BCORL1: variants seen among roughly 807,000 people sequenced by gnomAD.
BCORL1 encodes the protein BCL-6 corepressor-like protein 1.
Under a neutral mutation model 87.6 loss-of-function variants are expected in BCORL1, and 7 were observed. That is an observed-to-expected ratio of 0.08 (90% CI 0.05 to 0.15). BCORL1 has a LOEUF of 0.15. BCORL1 is among the 10% of genes least tolerant of loss of function. The probability of loss-of-function intolerance (pLI) is 1.00; values close to 1 mark genes in which losing one functional copy is unlikely to be tolerated. For missense variants in BCORL1, 1,215 were observed against 1,499.7 expected, an observed-to-expected ratio of 0.81 and a Z score of 3.13; for synonymous variants, 591 against 634.4, an observed-to-expected ratio of 0.93 and a Z score of 1.03.
intron 8 of BCORL1, among the ~76,000 whole-genome samples, chrX:130,030,391 G>A (rs755754449): frequency 7.2e-5 from 8 of 111,619 alleles, no homozygotes; most frequent in South Asian, 7.6e-4. Context: ...CTTAATTCCC[G>A]CAGTGGCACT....
rs143414966 is a variant in BCORL1 at position 130,013,554 on chromosome X, C to T, written c.782C>T (p.Ala261Val). 60 of 1,208,992 alleles carry T rather than the reference C, an allele frequency of 5.0e-5. No homozygotes were observed. The highest frequency in any genetic ancestry group is 2.8e-4 in the South Asian group (16 of 56,738). ...PLAPVPALAP[A>V]PPSVPTLISD... ...GCACCTGTCCCGGCTCTGGCTCCAG[C>T]GCCACCGTCAGTGCCCACGCTCATC... Residue 261 changes from alanine to valine, a missense_variant, in exon 4 of 14, where the codon GCG (alanine) becomes GTG (valine). Ala to Val is a moderately conservative substitution (Grantham distance 64, BLOSUM62 0). Coordinates refer to ENST00000540052, the MANE Select transcript of BCORL1 (RefSeq NM_001379451.1).
At chrX:129,995,307 C>G (rs1297007572) in intron 1 of BCORL1, among the ~76,000 whole-genome samples, 1 of 110,786 alleles carries the variant, frequency 9.0e-6, no homozygotes, top group African/African-American at 3.3e-5. Flanking sequence ...CGTCTGGCCT[C>G]TCTATGGGAC....
intron 11 of BCORL1, among the ~76,000 whole-genome samples, chrX:130,050,469 A>AT (rs1029480612): frequency 4.3e-4 from 46 of 106,676 alleles, no homozygotes; most frequent in South Asian, 8.1e-4. Flanking sequence ...GCAAATTGGG[A>AT]TTTTTTTTTT....
Position 130,015,118 on chromosome X carries a change from G to A in BCORL1, c.2346G>A (p.Val782=). 1 of 1,212,368 alleles carries A rather than the reference G, an allele frequency of 8.2e-7. No homozygotes were observed. Among genetic ancestry groups the A allele is most frequent in the African/African-American group, 1.7e-5 (1 of 57,975 alleles). The stretch of plus-strand genomic sequence containing the variant: ...GTGCTGAGGGACAGCCAAGCACAGT[G>A]AAACGATATACTCCAGCCCGCATTG... ...QAGAEGQPST[V]KRYTPARIAP... is the part of the protein sequence containing the mutation. The change falls in exon 4 of 14, where the codon GTG becomes GTA. Residue 782 remains valine, a synonymous_variant. Coordinates refer to ENST00000540052, the MANE Select transcript of BCORL1 (RefSeq NM_001379451.1).
In BCORL1 at chrX:130,014,865, A is replaced by T; in HGVS notation, c.2093A>T (p.Asp698Val). The T allele has an allele frequency of 8.3e-7, 1 of 1,210,849 alleles. No homozygotes were observed. Among genetic ancestry groups the T allele is most frequent in the Non-Finnish European group, 1.1e-6 (1 of 895,283 alleles). ...TTTCCCGAGATCGTGAGGAATGGGG[A>T]CCCGAGCACCTGGGTGAAGAACTCA... ...VIFPEIVRNGDPSTWVKNSTA... is the reference protein window; with the variant it reads ...VIFPEIVRNGVPSTWVKNSTA... Residue 698 changes from aspartate (D) to valine (V), a missense_variant, in exon 4 of 14, where the codon GAC (aspartate) becomes GTC (valine). This residue lies in a region of BCORL1 where 861 missense variants were observed against 1,010.0 expected (regional missense o/e 0.85). Transcript: ENST00000540052.
intron 12 of BCORL1, 61 bp downstream of exon 12, chrX:130,050,855 G>C: frequency 2.0e-6 from 2 of 1,007,334 alleles, no homozygotes; most frequent in Admixed American, 4.7e-5. Flanking sequence ...GCCCTGTGGT[G>C]GTATCCCTTC....
intron 1 of BCORL1, among the ~76,000 whole-genome samples, chrX:129,998,994 C>T (rs982417217): frequency 9.1e-6 from 1 of 109,870 alleles, no homozygotes; most frequent in East Asian, 2.8e-4. Flanking sequence ...TTGCTCTCTA[C>T]GTGGTCATAA....
chrX:130,054,184 T>TC (rs1417251449), intron 13 of BCORL1, among the ~76,000 whole-genome samples: 5 of 112,071 alleles, frequency 4.5e-5, no homozygotes, highest in African/African-American at 1.6e-4. Context: ...TATAAAAAAC[T>TC]CCAACAGTTT....
At chrX:130,038,100 G>A (rs752427178) in intron 10 of BCORL1, among the ~76,000 whole-genome samples, 3 of 110,581 alleles carry the variant, frequency 2.7e-5, no homozygotes, top group African/African-American at 9.9e-5. Context: ...GGTTGTCTAG[G>A]GATCATCCCA....
chrX:130,051,614 AG>A (rs1444231752), intron 12 of BCORL1, among the ~76,000 whole-genome samples: 1 of 112,098 alleles, frequency 8.9e-6, no homozygotes, highest in Non-Finnish European at 1.9e-5. Flanking sequence ...TGCCAGTTGG[AG>A]GGGGGAGTGA....
At chrX:129,999,057 G>C (rs1044791882) in intron 1 of BCORL1, among the ~76,000 whole-genome samples, 18 of 94,960 alleles carry the variant, frequency 1.9e-4, no homozygotes, top group African/African-American at 8.0e-4. Context: ...TTTATTTTTT[G>C]TGGTTTTTTT....
intron 13 of BCORL1, among the ~76,000 whole-genome samples, chrX:130,055,504 T>A (rs1266031531): frequency 8.9e-6 from 1 of 112,487 alleles, no homozygotes; most frequent in Non-Finnish European, 1.9e-5. Context: ...AAATGCCAGG[T>A]CACAGGGGCG....
chrX:130,036,118 C>G (rs1222227527), intron 9 of BCORL1, among the ~76,000 whole-genome samples: 1 of 112,864 alleles, frequency 8.9e-6, no homozygotes, highest in Non-Finnish European at 1.9e-5. Flanking sequence ...GCCAGCCTCT[C>G]CCCTCCTCAC....
intron 10 of BCORL1, among the ~76,000 whole-genome samples, chrX:130,038,254 CTG>C: frequency 8.9e-6 from 1 of 111,955 alleles, no homozygotes; most frequent in East Asian, 2.8e-4. Context: ...TCTCTAGACA[CTG>C]TAAGAAAAAT....
intron 13 of BCORL1, 85 bp from the exon 14 acceptor site, chrX:130,055,769 T>C: frequency 1.0e-6 from 1 of 992,835 alleles, no homozygotes. Flanking sequence ...CGTGCAGCCT[T>C]TGTGGGCTTT....
At chrX:129,985,186 A>T (rs1309244010) in intron 1 of BCORL1, among the ~76,000 whole-genome samples, 1 of 112,105 alleles carries the variant, frequency 8.9e-6, no homozygotes, top group Non-Finnish European at 1.9e-5. Flanking sequence ...CACGCCGTTG[A>T]GTTACATGGG....
intron 1 of BCORL1, among the ~76,000 whole-genome samples, chrX:129,997,452 C>T (rs1927646335): frequency 1.8e-5 from 2 of 111,116 alleles, no homozygotes; most frequent in Admixed American, 1.9e-4. Flanking sequence ...TATGGTTTCT[C>T]TTCCACTACC....
intron 1 of BCORL1, among the ~76,000 whole-genome samples, chrX:129,984,082 C>T (rs1926370302): frequency 3.8e-5 from 1 of 26,081 alleles, no homozygotes; most frequent in African/African-American, 1.6e-4. Context: ...TGGTGGGCTT[C>T]GGGGGGAGCA....
At chrX:130,029,310 C>A (rs1048868952) in intron 8 of BCORL1, among the ~76,000 whole-genome samples, 1 of 111,195 alleles carries the variant, frequency 9.0e-6, no homozygotes, top group African/African-American at 3.3e-5. Context: ...GGCCCAGGTT[C>A]TAGCTACTCC....
Sources: allele counts gnomAD v4.1 joint callset (sites outside exome capture counted in the v4.1 genomes callset), GRCh38; gene constraint gnomAD v4.1.1; regional missense constraint gnomAD v4.1.1; transcripts MANE v1.5; gene names NCBI Gene and HGNC (gene_info 2026-07-23, HGNC 2026-07-21).